PPP1R1C: variants seen among roughly 807,000 people sequenced by gnomAD.
PPP1R1C encodes the protein protein phosphatase 1 regulatory subunit 1C.
In PPP1R1C, 15 loss-of-function variants were observed where a neutral mutation model predicts 17.4. That is an observed-to-expected ratio of 0.86 (90% confidence interval 0.58 to 1.33). The LOEUF is 1.33. Among genes scored for constraint, PPP1R1C ranks in the 40% most tolerant of loss-of-function variants. PPP1R1C has a pLI of 0.00. For synonymous variants in PPP1R1C, 35 were observed against 43.1 expected (o/e 0.81, Z 0.73); for missense variants, 143 against 130.0 (o/e 1.10, Z -0.48).
intron 4 of PPP1R1C, among the ~76,000 whole-genome samples, chr2:182,080,208 T>G (rs1404500312): frequency 6.6e-6 from 1 of 152,208 alleles, no homozygotes; most frequent in Non-Finnish European, 1.5e-5. Context: ...AGTTACAGAT[T>G]TCCCATTGCA....
At chr2:181,995,513 T>C (rs550499026) in intron 2 of PPP1R1C, among the ~76,000 whole-genome samples, 1 of 152,182 alleles carries the variant, frequency 6.6e-6, no homozygotes, top group Non-Finnish European at 1.5e-5. Context: ...CTAGTCTGAG[T>C]CCATTGAATA....
intron 1 of PPP1R1C, among the ~76,000 whole-genome samples, chr2:181,956,049 G>A (rs987474773): frequency 1.3e-5 from 2 of 151,356 alleles, no homozygotes; most frequent in African/African-American, 2.4e-5. Flanking sequence ...CCACCTCCCC[G>A]CCGCCACCCC....
At chr2:181,995,264 A>T (rs140616652) in intron 2 of PPP1R1C, among the ~76,000 whole-genome samples, 1 of 152,360 alleles carries the variant, frequency 6.6e-6, no homozygotes, top group African/African-American at 2.4e-5. Flanking sequence ...TAGATGCCTG[A>T]TAAATGACAA....
At chr2:182,023,434 G>C (rs1236527017) in intron 2 of PPP1R1C, among the ~76,000 whole-genome samples, 1 of 151,794 alleles carries the variant, frequency 6.6e-6, no homozygotes, top group Admixed American at 6.6e-5. Context: ...AAAAGAGTGA[G>C]GGCAAAGACA....
chr2:181,988,429 T>C (rs1360431866), intron 2 of PPP1R1C, among the ~76,000 whole-genome samples: 4 of 152,272 alleles, frequency 2.6e-5, no homozygotes, highest in African/African-American at 9.6e-5. Flanking sequence ...TCTGAATGGC[T>C]GAATCCATTT....
intron 4 of PPP1R1C, among the ~76,000 whole-genome samples, chr2:182,110,703 T>C (rs1318673506): frequency 1.3e-5 from 2 of 152,200 alleles, no homozygotes; most frequent in African/African-American, 4.8e-5. Flanking sequence ...TTTTTAATGC[T>C]TTCAAGGCTA....
chr2:182,091,561 T>G (rs564198053), intron 4 of PPP1R1C, among the ~76,000 whole-genome samples: 1 of 152,250 alleles, frequency 6.6e-6, no homozygotes, highest in South Asian at 2.1e-4. Context: ...CTTGCTTATT[T>G]CTAGGATAGA....
chr2:182,091,991 G>A (rs932877813), intron 4 of PPP1R1C, among the ~76,000 whole-genome samples: 1 of 152,102 alleles, frequency 6.6e-6, no homozygotes, highest in African/African-American at 2.4e-5. Context: ...ATAAAAATAT[G>A]TTGGATTGTA....
At chr2:182,130,470 C>CA (rs1280461986), downstream of PPP1R1C, 3 of 152,092 alleles carry the variant, frequency 2.0e-5, no homozygotes, top group African/African-American at 7.2e-5. Context: ...CCATTATTCT[C>CA]AAAAGTAGCA....
intron 1 of PPP1R1C, among the ~76,000 whole-genome samples, chr2:181,965,473 T>C (rs960846450): frequency 6.6e-6 from 1 of 152,232 alleles, no homozygotes; most frequent in South Asian, 2.1e-4. Context: ...TTGATTTTTG[T>C]ACATGGCAAG....
chr2:182,111,405 A>G (rs1689412799), intron 4 of PPP1R1C, among the ~76,000 whole-genome samples: 1 of 152,186 alleles, frequency 6.6e-6, no homozygotes, highest in African/African-American at 2.4e-5. Context: ...GCTAGTCATT[A>G]TATTAGAACA....
At chr2:182,042,997 T>C (rs1454840797) in intron 2 of PPP1R1C, among the ~76,000 whole-genome samples, 1 of 152,168 alleles carries the variant, frequency 6.6e-6, no homozygotes, top group Non-Finnish European at 1.5e-5. Flanking sequence ...AAAAACTTTC[T>C]CCTTAACCTT....
chr2:181,970,969 G>A (rs1684996077), intron 1 of PPP1R1C, among the ~76,000 whole-genome samples: 1 of 152,156 alleles, frequency 6.6e-6, no homozygotes, highest in South Asian at 2.1e-4. Context: ...CTTCAGGCCA[G>A]TGGGCTCCCC....
chr2:182,123,767 A>G (rs2116638), intron 5 of PPP1R1C, among the ~76,000 whole-genome samples: 95,200 of 152,042 alleles, frequency 0.63, 29,954 homozygotes, highest in Non-Finnish European at 0.64. Context: ...TTTATCAAAT[A>G]GATAGATTGC....
At chr2:182,054,692 G>A (rs961555378) in intron 2 of PPP1R1C, among the ~76,000 whole-genome samples, 2 of 151,364 alleles carry the variant, frequency 1.3e-5, no homozygotes, top group African/African-American at 4.9e-5. Flanking sequence ...AGACAGTTTT[G>A]CTCTGTCACC....
rs555496432 is a variant in PPP1R1C, at chr2:182,086,728, C to T, written c.241+22937C>T. On this transcript the variant is annotated intron_variant, in intron 4 of 4. Coordinates refer to ENST00000682840, the MANE Select transcript of PPP1R1C (RefSeq NM_001080545.3). ...ACTTAAGAATTAAAACTATAAGGCTCTATATATGTACACTATACTAATGAA... is the reference window on the plus strand; with the variant it reads ...ACTTAAGAATTAAAACTATAAGGCTTTATATATGTACACTATACTAATGAA... Among the ~76,000 whole-genome samples the T allele has an allele frequency of 3.9e-5, 6 of 152,214 alleles. No individual in the cohort carries two copies. The South Asian group carries it at 6.2e-4, about 16-fold the overall frequency.
At chr2:182,024,857 A>AAAACAAACAAACAAAC (rs374519097) in intron 2 of PPP1R1C, among the ~76,000 whole-genome samples, 8 of 150,782 alleles carry the variant, frequency 5.3e-5, no homozygotes, top group Non-Finnish European at 1.0e-4. Context: ...TCTGTCTCAA[A>AAAACAAACAAACAAAC]AAACAAACAA....
At chr2:181,986,515 A>G (rs1174904788) in intron 1 of PPP1R1C, among the ~76,000 whole-genome samples, 3 of 152,218 alleles carry the variant, frequency 2.0e-5, no homozygotes, top group African/African-American at 7.2e-5. Context: ...AGCAACTTTT[A>G]AAAATTATCA....
Position 181,976,886 on chromosome 2 carries a change from C to T in PPP1R1C, n.157+1622C>T, listed in dbSNP as rs899295773. Among the ~76,000 whole-genome samples the T allele has an allele frequency of 1.3e-5, 2 of 151,912 alleles. No individual in the cohort carries two copies. Among genetic ancestry groups the T allele is most frequent in the African/African-American group, 2.4e-5 (1 of 41,390 alleles). On this transcript the variant is annotated intron_variant and non_coding_transcript_variant, in intron 2 of 5. Coordinates refer to the PPP1R1C transcript ENST00000464264. The surrounding 1 kb of genome is among the most constrained non-coding windows in gnomAD (Gnocchi z 4.8). ...GGCACAATGGCTTATGCCTGTAATC[C>T]CAGCACTTTGGGATGCTGAGGCAGG...
Sources: gnomAD v4.1 joint callset for allele counts (sites outside exome capture counted in the v4.1 genomes callset) on GRCh38, gnomAD v4.1.1 for gene constraint, Gnocchi (gnomAD v3.1) non-coding constraint, MANE v1.5 for transcripts, NCBI Gene and HGNC (gene_info 2026-07-23, HGNC 2026-07-21) for gene names.